TDRD3: variants seen among roughly 807,000 people sequenced by gnomAD.
The protein encoded by TDRD3 is tudor domain-containing protein 3.
Under a neutral mutation model 86.7 loss-of-function variants are expected in TDRD3, and 45 were observed. The ratio of observed to expected loss-of-function variants is 0.52; its 90% CI spans 0.41 to 0.67. TDRD3 has a LOEUF of 0.67. Among genes scored for constraint, TDRD3 ranks in the 30% least tolerant of loss-of-function variants. TDRD3 has a pLI of 0.00. For synonymous variants in TDRD3, 298 were observed against 301.7 expected (o/e 0.99, Z 0.13); for missense variants, 814 against 889.0 (o/e 0.92, Z 1.07).
At chr13:60,431,771 A>G (rs917679862) in intron 1 of TDRD3, among the ~76,000 whole-genome samples, 2 of 151,568 alleles carry the variant, frequency 1.3e-5, no homozygotes, top group African/African-American at 4.8e-5. Context: ...CATAAAAACT[A>G]AAAACTGAAA....
rs1445462896 is a variant in TDRD3 at position 60,397,328 on chromosome 13, C to T, written c.-37C>T. 2.9e-6 allele frequency: 4 copies of T among 1,372,262 alleles called. No homozygotes were observed. Among genetic ancestry groups the T allele is most frequent in the Non-Finnish European group, 2.9e-6 (3 of 1,036,578 alleles). 85.0% of individuals were successfully genotyped at this position (1,372,262 alleles called of 1,614,324 possible). A position where few individuals can be genotyped will look rare whatever the true frequency, so the allele number is the denominator to read the frequency against. ...GTAGGAGGCCTCCCCATCACCCCCA[C>T]CCCAGCCCCCCACCACCCCCGGCCT... is the stretch of plus-strand genomic sequence containing the variant. On this transcript the variant is annotated 5_prime_UTR_variant, in exon 1 of 14. Transcript: ENST00000377881.
intron 3 of TDRD3, among the ~76,000 whole-genome samples, chr13:60,459,776 A>G (rs1403063774): frequency 6.6e-6 from 1 of 152,156 alleles, no homozygotes; most frequent in Non-Finnish European, 1.5e-5. Flanking sequence ...GCATGCCACC[A>G]TACCCAGCTA....
At chr13:60,514,252 A>G (rs1957122035) in intron 10 of TDRD3, among the ~76,000 whole-genome samples, 1 of 152,190 alleles carries the variant, frequency 6.6e-6, no homozygotes, top group African/African-American at 2.4e-5. Flanking sequence ...GATTTAGGGT[A>G]TCTGGCAGAA....
intron 12 of TDRD3, among the ~76,000 whole-genome samples, chr13:60,541,760 G>A (rs1392111372): frequency 2.2e-5 from 1 of 45,736 alleles, no homozygotes; most frequent in African/African-American, 1.0e-4. Context: ...ACGGAGTTTT[G>A]CTCTTGTTGC....
intron 5 of TDRD3, among the ~76,000 whole-genome samples, chr13:60,468,566 C>T (rs1566216519): frequency 6.6e-6 from 1 of 152,110 alleles, no homozygotes; most frequent in Admixed American, 6.6e-5. Flanking sequence ...AAGTTCTGCA[C>T]GTATCTGTTG....
chr13:60,529,793 G>A (rs963167942), intron 11 of TDRD3, among the ~76,000 whole-genome samples: 13 of 152,004 alleles, frequency 8.6e-5, no homozygotes, highest in African/African-American at 2.7e-4. Context: ...GTGGCTAAAG[G>A]CAAAGAAAGA....
chr13:60,475,574 T>C (rs1054750510), intron 5 of TDRD3, among the ~76,000 whole-genome samples: 2 of 152,088 alleles, frequency 1.3e-5, no homozygotes, highest in Non-Finnish European at 2.9e-5. Context: ...ATGTGTCTTA[T>C]GTGCAGTAAT....
chr13:60,403,259 C>T (rs1954149984), intron 1 of TDRD3, among the ~76,000 whole-genome samples: 2 of 152,016 alleles, frequency 1.3e-5, no homozygotes, highest in South Asian at 4.2e-4. Flanking sequence ...AAATAATTTT[C>T]TCCTTTCATA....
At chr13:60,474,019 C>A (rs909472326) in intron 5 of TDRD3, among the ~76,000 whole-genome samples, 2 of 152,198 alleles carry the variant, frequency 1.3e-5, no homozygotes, top group African/African-American at 4.8e-5. Context: ...ATCCAGAGGC[C>A]TGACTGTCTC....
intron 8 of TDRD3, among the ~76,000 whole-genome samples, chr13:60,501,376 T>A (rs527997321): frequency 1.3e-5 from 2 of 152,234 alleles, no homozygotes; most frequent in East Asian, 3.9e-4. Context: ...GGAGTTTGAT[T>A]GCTGTCAGCC....
chr13:60,429,729 T>G (rs4886229), intron 1 of TDRD3, among the ~76,000 whole-genome samples: 1 of 151,942 alleles, frequency 6.6e-6, no homozygotes. Flanking sequence ...AATATGTAGT[T>G]AGGCTTACCA....
At chr13:60,415,636 A>C (rs1410406701) in intron 1 of TDRD3, among the ~76,000 whole-genome samples, 1 of 152,196 alleles carries the variant, frequency 6.6e-6, no homozygotes, top group Non-Finnish European at 1.5e-5. Context: ...TTTCTGTAAA[A>C]CATGATTAAT....
intron 12 of TDRD3, chr13:60,535,807 G>A (rs1957686713): frequency 6.6e-6 from 1 of 152,128 alleles, no homozygotes; most frequent in Non-Finnish European, 1.5e-5. Context: ...CTTTGATGAT[G>A]TAACTTAGAA....
At position 60,467,776 on chromosome 13, in the gene TDRD3, T is replaced by C. The variant is rs575449774; in HGVS notation, c.495+397T>C. Among the ~76,000 whole-genome samples the C allele has an allele frequency of 4.6e-5, 7 of 152,344 alleles. No individual in the cohort carries two copies. The South Asian group carries it at 1.5e-3, about 32-fold the overall frequency. On this transcript the variant is annotated intron_variant, in intron 5 of 13. Coordinates refer to ENST00000377881, the MANE Select transcript of TDRD3 (RefSeq NM_001146070.2). ...AAAGTAAGTTAGAATTTCACTGTAA[T>C]GGAGGAGTTCTTGTTGCACTTGACT...
At chr13:60,512,660 A>C (rs142418820) in intron 10 of TDRD3, among the ~76,000 whole-genome samples, 4 of 152,320 alleles carry the variant, frequency 2.6e-5, no homozygotes, top group African/African-American at 9.6e-5. Flanking sequence ...GCAAGTCCGA[A>C]ATCCAGCATG....
chr13:60,563,248 G>T (rs902870496), intron 12 of TDRD3, among the ~76,000 whole-genome samples: 7 of 122,708 alleles, frequency 5.7e-5, no homozygotes, highest in African/African-American at 2.1e-4. Context: ...AAAAAAAAAA[G>T]GCAAGGCGAT....
At chr13:60,442,426 G>A (rs1694817467) in intron 2 of TDRD3, among the ~76,000 whole-genome samples, 1 of 151,694 alleles carries the variant, frequency 6.6e-6, no homozygotes, top group African/African-American at 2.4e-5. Flanking sequence ...TGCGTGGGTA[G>A]GTAGATGCTT....
intron 5 of TDRD3, among the ~76,000 whole-genome samples, chr13:60,470,081 C>T (rs2138093859): frequency 6.6e-6 from 1 of 152,310 alleles, no homozygotes; most frequent in South Asian, 2.1e-4. Flanking sequence ...CACCATTCTA[C>T]TTTCTGTCTC....
At chr13:60,553,103 G>A (rs958011942) in intron 12 of TDRD3, among the ~76,000 whole-genome samples, 2 of 152,138 alleles carry the variant, frequency 1.3e-5, no homozygotes, top group Admixed American at 1.3e-4. Flanking sequence ...CCAGAAAATG[G>A]GTTTTTCTTT....
Sources: gnomAD v4.1 joint callset for allele counts (sites outside exome capture counted in the v4.1 genomes callset) on GRCh38, gnomAD v4.1.1 for gene constraint, MANE v1.5 for transcripts, NCBI Gene and HGNC (gene_info 2026-07-23, HGNC 2026-07-21) for gene names.